LTA: variants seen among roughly 807,000 people sequenced by gnomAD.
The protein encoded by LTA is lymphotoxin alpha.
Under a neutral mutation model 15.1 loss-of-function variants are expected in LTA, and 6 were observed. That is an observed-to-expected ratio of 0.40 (90% CI 0.22 to 0.78). The LOEUF (loss-of-function observed/expected upper bound fraction) is 0.78. Ranked by LOEUF, LTA falls within the 30% of genes least tolerant of loss-of-function variation. LTA has a pLI of 0.38. For synonymous variants in LTA, 87 were observed against 107.3 expected (o/e 0.81, Z 1.17); for missense variants, 173 against 249.5 (o/e 0.69, Z 2.06).
Position 31,572,916 on chromosome 6 carries a change from G to A in LTA, c.100-12G>A, listed in dbSNP as rs3093542. 1 of 1,611,646 alleles carries A rather than the reference G, an allele frequency of 6.2e-7. No homozygotes were observed. On this transcript the variant is annotated splice_polypyrimidine_tract_variant and intron_variant, in intron 2 of 3. Transcript: ENST00000418386. ...GAGCCCTAGAGCCCCCCTCAACTCT[G>A]TTCTCCCCTAGGGGCTCCCTGGTGT... is the stretch of plus-strand genomic sequence containing the variant.
chr6:31,566,452 G>A, the LTA span, among the ~76,000 whole-genome samples: 2 of 152,016 alleles, frequency 1.3e-5, no homozygotes, highest in Admixed American at 6.5e-5. Flanking sequence ...AGACCAGCCT[G>A]GCCAACATGG....
the LTA span, among the ~76,000 whole-genome samples, chr6:31,564,713 C>T: frequency 6.7e-6 from 1 of 149,494 alleles, no homozygotes; most frequent in African/African-American, 2.5e-5. Flanking sequence ...CAAGACCAGC[C>T]TAGGCAACAT....
intron 1 of LTA, 55 bp from the exon 2 acceptor site, chr6:31,572,679 C>T (rs908834504): frequency 6.6e-6 from 9 of 1,357,098 alleles, no homozygotes; most frequent in South Asian, 4.7e-5. Context: ...GTCTGTCTTC[C>T]GCCGCGTGCC....
At chr6:31,564,742 G>GA in the LTA span, among the ~76,000 whole-genome samples, 46 of 141,954 alleles carry the variant, frequency 3.2e-4, no homozygotes, top group South Asian at 6.6e-4. Context: ...CCTATCTCTG[G>GA]AAAAAAAAAA....
chr6:31,563,642 T>C, the LTA span, among the ~76,000 whole-genome samples: 1 of 152,134 alleles, frequency 6.6e-6, no homozygotes, highest in African/African-American at 2.4e-5. Flanking sequence ...AGTTTCACTC[T>C]TGTTGCCCAG....
chr6:31,562,585 C>G, the LTA span, among the ~76,000 whole-genome samples: 5 of 152,144 alleles, frequency 3.3e-5, no homozygotes, highest in Non-Finnish European at 7.4e-5. Context: ...CAAAGATAGG[C>G]CAGGTGCAGT....
At chr6:31,567,927 T>C (rs1009111195), upstream of LTA, among the ~76,000 whole-genome samples, 1 of 152,124 alleles carries the variant, frequency 6.6e-6, no homozygotes, top group Non-Finnish European at 1.5e-5. Context: ...TTACCTGAAA[T>C]GCTTTGCTCC....
chr6:31,573,835 G>C lies in LTA; in HGVS notation c.*142G>C. ...TCAAGTCTTCCCTGATCAAGTCACC[G>C]GAGCTTTCAAAGAAGGAATTCTAGG... On this transcript the variant is annotated 3_prime_UTR_variant, in exon 4 of 4. Transcript: ENST00000418386. 1.0e-6 allele frequency: 1 copy of C among 998,928 alleles called. No homozygotes were observed. The highest frequency in any genetic ancestry group is 1.5e-6 in the Non-Finnish European group (1 of 650,958). The allele number at this position is 998,928 out of a possible 1,614,324, so 61.9% of individuals were successfully genotyped here. A position where few individuals can be genotyped will look rare whatever the true frequency, so the allele number is the denominator to read the frequency against.
chr6:31,563,009 A>C, the LTA span, among the ~76,000 whole-genome samples: 226 of 151,862 alleles, frequency 1.5e-3, no homozygotes, highest in Non-Finnish European at 2.5e-3. Flanking sequence ...AAAATACAAA[A>C]ATTAGCTGGG....
At chr6:31,566,787 A>G in the LTA span, among the ~76,000 whole-genome samples, 5 of 151,750 alleles carry the variant, frequency 3.3e-5, no homozygotes, top group Non-Finnish European at 7.4e-5. Context: ...TAAAAGTACA[A>G]AAATTAGCCA....
Position 31,573,756 on chromosome 6 carries a change from C to T in LTA, c.*63C>T. The T allele has an allele frequency of 6.3e-7, 1 of 1,586,164 alleles. No homozygotes were observed. The highest frequency in any genetic ancestry group is 8.6e-7 in the Non-Finnish European group (1 of 1,159,256). ...CAAGACCTTCTCCCCATTCTGCCTC[C>T]ATTCTGACCATTTCAGGGGTCGTCA... On this transcript the variant is annotated 3_prime_UTR_variant, in exon 4 of 4. Transcript: ENST00000418386.
chr6:31,566,165 G>A, the LTA span, among the ~76,000 whole-genome samples: 1 of 150,644 alleles, frequency 6.6e-6, no homozygotes, highest in Non-Finnish European at 1.5e-5. Context: ...GCAACAGAGC[G>A]AGACGCCATC....
the LTA span, among the ~76,000 whole-genome samples, chr6:31,566,665 G>A: frequency 0.027 from 3,992 of 146,434 alleles, 106 homozygotes; most frequent in South Asian, 0.078. Context: ...AAAAAAGGCT[G>A]GGTGCGGTGT....
upstream of LTA, among the ~76,000 whole-genome samples, chr6:31,571,184 C>T (rs1770815241): frequency 6.6e-6 from 1 of 151,958 alleles, no homozygotes; most frequent in African/African-American, 2.4e-5. Context: ...CCTCAGCCTC[C>T]CGAGTAGCTG....
At chr6:31,563,240 T>TAG in the LTA span, among the ~76,000 whole-genome samples, 2 of 151,948 alleles carry the variant, frequency 1.3e-5, no homozygotes, top group African/African-American at 4.8e-5. Flanking sequence ...GGAAGTGGGA[T>TAG]AGAGTACAGA....
chr6:31,569,425 C>A (rs1184163104), upstream of LTA, among the ~76,000 whole-genome samples: 1 of 152,078 alleles, frequency 6.6e-6, no homozygotes, highest in Non-Finnish European at 1.5e-5. Flanking sequence ...AGAGAAAGGG[C>A]AACACAGAGA....
Position 31,573,583 on chromosome 6 carries a change from G to T in LTA, c.508G>T (p.Gly170Trp). The change falls in exon 4 of 4, where the codon GGG becomes TGG. Residue 170 changes from glycine to tryptophan, a missense_variant. Gly to Trp is a radical substitution (Grantham distance 184). Transcript: ENST00000418386. ...ACCCTGGCTGCACTCGATGTACCAC[G>T]GGGCTGCGTTCCAGCTCACCCAGGG... ...QEPWLHSMYH[G>W]AAFQLTQGDQ... 1 of 1,614,106 alleles carries T rather than the reference G, an allele frequency of 6.2e-7. No homozygotes were observed. The highest frequency in any genetic ancestry group is 8.5e-7 in the Non-Finnish European group (1 of 1,180,010).
At position 31,572,406 on chromosome 6, in the gene LTA, C is replaced by T. The variant is rs1770881701; in HGVS notation, c.-50C>T. The T allele has an allele frequency of 4.1e-6, 2 of 484,932 alleles. No individual in the cohort carries two copies. Among genetic ancestry groups the T allele is most frequent in the Non-Finnish European group, 7.4e-6 (2 of 270,316 alleles). The allele number at this position is 484,932 out of a possible 1,614,324, so 30.0% of individuals were successfully genotyped here. The stretch of plus-strand genomic sequence containing the variant: ...TGCCTGGGCCTCGGTCCCTCCTGCA[C>T]CTGCTGCCTGGATCCCCGGCCTGCC... On this transcript the variant is annotated 5_prime_UTR_variant, in exon 1 of 4. Coordinates refer to ENST00000418386, the MANE Select transcript of LTA (RefSeq NM_000595.4).
At chr6:31,561,664 C>T in the LTA span, among the ~76,000 whole-genome samples, 1 of 151,258 alleles carries the variant, frequency 6.6e-6, no homozygotes, top group Non-Finnish European at 1.5e-5. Context: ...GCTCTCCAGT[C>T]TGGGTGACAG....
Sources: allele counts gnomAD v4.1 joint callset (sites outside exome capture counted in the v4.1 genomes callset), GRCh38; gene constraint gnomAD v4.1.1; transcripts MANE v1.5; gene names NCBI Gene and HGNC (gene_info 2026-07-23, HGNC 2026-07-21).